The following MCF2L variants were observed in gnomAD, a reference collection of about 807,000 sequenced individuals.
MCF2L encodes the protein guanine nucleotide exchange factor DBS.
MCF2L carries 97 observed loss-of-function variants against 153.4 expected under a neutral mutation model. That is an observed-to-expected ratio of 0.63 (90% CI 0.54 to 0.75). The LOEUF is 0.75. Among genes scored for constraint, MCF2L ranks in the 30% least tolerant of loss-of-function variants. The pLI is 0.00. For synonymous variants in MCF2L, 659 were observed against 632.2 expected (o/e 1.04, Z -0.64); for missense variants, 1,347 against 1,495.2 (o/e 0.90, Z 1.64).
At chr13:112,919,749 A>G (rs2081334583) in intron 2 of MCF2L, among the ~76,000 whole-genome samples, 1 of 152,070 alleles carries the variant, frequency 6.6e-6, no homozygotes, top group Non-Finnish European at 1.5e-5. Flanking sequence ...TTTTAGTTAC[A>G]CTCTTGATAA....
intron 2 of MCF2L, among the ~76,000 whole-genome samples, chr13:112,918,057 G>C (rs2081313677): frequency 6.6e-6 from 1 of 152,222 alleles, no homozygotes; most frequent in African/African-American, 2.4e-5. Context: ...ATAATTATTT[G>C]AGGATTTGTC....
intron 8 of MCF2L, among the ~76,000 whole-genome samples, chr13:113,066,422 C>T (rs74115777): frequency 0.011 from 1,676 of 152,306 alleles, 36 homozygotes; most frequent in African/African-American, 0.038. Context: ...CTAGAGCAAA[C>T]GCCCTTTTGC....
chr13:112,967,218 C>T (rs1288108479), upstream of MCF2L, among the ~76,000 whole-genome samples: 1 of 152,086 alleles, frequency 6.6e-6, no homozygotes, highest in Non-Finnish European at 1.5e-5. Flanking sequence ...GTGAAGGTTC[C>T]CTGAACTGAC....
At position 113,024,734 on chromosome 13, in the gene MCF2L, T is replaced by C. The variant is rs1319298629; in HGVS notation, c.254T>C (p.Met85Thr). 2 of 1,614,024 alleles carry C rather than the reference T, an allele frequency of 1.2e-6. No homozygotes were observed. The highest frequency in any genetic ancestry group is 2.2e-5 in the East Asian group (1 of 44,896). The change falls in exon 3 of 30, where the codon ATG becomes ACG. Residue 85 changes from methionine (M) to threonine (T), a missense_variant. By Grantham distance (81) the Met-to-Thr change is moderately conservative (BLOSUM62 -1). This residue lies in a region of MCF2L where 820 missense variants were observed against 921.2 expected (regional missense o/e 0.89). Transcript: ENST00000535094. ...EIPDKEFQNV[M>T]TYLTSIPSLQ... The stretch of plus-strand genomic sequence containing the variant: ...CCGGACAAGGAGTTCCAGAATGTCA[T>C]GACCTACCTCACCAGCATCCCCAGG...
intron 18 of MCF2L, chr13:113,084,521 A>G: frequency 2.9e-6 from 1 of 342,314 alleles, no homozygotes; most frequent in Non-Finnish European, 5.3e-6. Context: ...GCTAAATAAC[A>G]GGTAATTTGT....
At chr13:113,084,300 C>T (rs2034427275) in intron 18 of MCF2L, among the ~76,000 whole-genome samples, 1 of 151,666 alleles carries the variant, frequency 6.6e-6, no homozygotes, top group African/African-American at 2.4e-5. Context: ...ACCCCCAGAA[C>T]CTCCTGTACC....
chr13:112,913,954 C>T (rs2081262627), intron 2 of MCF2L, among the ~76,000 whole-genome samples: 1 of 152,190 alleles, frequency 6.6e-6, no homozygotes, highest in African/African-American at 2.4e-5. Context: ...CATCAGCCCC[C>T]CAATGCCTGC....
At chr13:113,061,745 TTTCCCCTCCCTTCCCTCTCCCCC>T (rs1566824981) in intron 5 of MCF2L, among the ~76,000 whole-genome samples, 1 of 25,318 alleles carries the variant, frequency 3.9e-5, no homozygotes, top group Non-Finnish European at 7.2e-5. Flanking sequence ...CCCTCTTCCC[TTTCCCCTCCCTTCCCTCTCCCCC>T]TTCCCCTCCC....
In MCF2L at chr13:113,060,689, G is replaced by C; in HGVS notation, c.466G>C (p.Asp156His). Reference protein sequence around the residue: ...LSDIAFKFNRDDFKMKVPVIM... With the variant: ...LSDIAFKFNRHDFKMKVPVIM... Reference sequence around the variant, plus strand: ...CGACATCGCTTTCAAATTCAATAGAGATGACTTTAAGATGAAGGTGCCGGT... The same window carrying C: ...CGACATCGCTTTCAAATTCAATAGACATGACTTTAAGATGAAGGTGCCGGT... Residue 156 changes from aspartate to histidine, a missense_variant, in exon 5 of 30, where the codon GAT (aspartate) becomes CAT (histidine). Asp to His is a moderately conservative substitution (Grantham distance 81). This residue lies in a region of MCF2L where 820 missense variants were observed against 921.2 expected (regional missense o/e 0.89). Coordinates refer to ENST00000535094, the MANE Select transcript of MCF2L (RefSeq NM_001112732.3). 1 of 1,613,496 alleles carries C rather than the reference G, an allele frequency of 6.2e-7. No homozygotes were observed. Among genetic ancestry groups the C allele is most frequent in the Non-Finnish European group, 8.5e-7 (1 of 1,179,962 alleles).
rs148510303 is a variant in MCF2L, at chr13:112,924,970, C to T, written c.169+22599C>T. On this transcript the variant is annotated intron_variant, in intron 2 of 29. Transcript: ENST00000375608. The stretch of plus-strand genomic sequence containing the variant: ...GTAGCTCAAGGCAGCATGTAAATTT[C>T]GTGCTGGAAAAGATGACCTTGGTTA... Among the ~76,000 whole-genome samples, 315 of 152,284 alleles carry T rather than the reference C, an allele frequency of 2.1e-3. 2 individuals carry two copies. Among genetic ancestry groups the T allele is most frequent in the Non-Finnish European group, 3.0e-3 (206 of 68,020 alleles).
chr13:113,009,758 C>G (rs1384291393), intron 1 of MCF2L: 1 of 152,344 alleles, frequency 6.6e-6, no homozygotes, highest in Non-Finnish European at 1.5e-5. Flanking sequence ...CCCTGTTCTT[C>G]CTGGGTTTGG....
chr13:113,050,937 G>A (rs2087265566), intron 4 of MCF2L, among the ~76,000 whole-genome samples: 1 of 152,014 alleles, frequency 6.6e-6, no homozygotes, highest in South Asian at 2.1e-4. Flanking sequence ...GGGAGAGAGG[G>A]CCAGGTCCGT....
intron 2 of MCF2L, among the ~76,000 whole-genome samples, chr13:113,020,991 GTGTA>G (rs1448106187): frequency 6.7e-6 from 1 of 150,132 alleles, no homozygotes; most frequent in Admixed American, 6.6e-5. Context: ...GTGTATGTGT[GTGTA>G]TGTGTAGCTG....
Position 113,045,523 on chromosome 13 carries a change from G to C in MCF2L, c.369+162G>C. On this transcript the variant is annotated intron_variant, in intron 4 of 29. Coordinates refer to ENST00000535094, the MANE Select transcript of MCF2L (RefSeq NM_001112732.3). This position sits in a 1 kb window ranked among gnomAD's most constrained non-coding sequence, Gnocchi z 4.2. ...CCGGCGCCAAGGCCCCCCCTGCTTG[G>C]GCTCCCAAGGCACTGGTGCCTGGGT... 1 of 635,978 alleles carries C rather than the reference G, an allele frequency of 1.6e-6. No homozygotes were observed. Among genetic ancestry groups the C allele is most frequent in the East Asian group, 2.8e-5 (1 of 36,248 alleles). 39.4% of individuals were successfully genotyped at this position (635,978 alleles called of 1,614,324 possible). A position where few individuals can be genotyped will look rare whatever the true frequency, so the allele number is the denominator to read the frequency against.
In MCF2L at chr13:113,096,974, T is replaced by G. The variant is rs2035724534; in HGVS notation, c.*115T>G. ...CCTCACCGCCCCCACCCAGAGCGCC[T>G]GGCCGTGCGGGCTGCAGAGGACCCC... On this transcript the variant is annotated 3_prime_UTR_variant, in exon 30 of 30. Transcript: ENST00000535094. 9 of 681,562 alleles carry G rather than the reference T, an allele frequency of 1.3e-5. No homozygotes were observed. Among genetic ancestry groups the G allele is most frequent in the Non-Finnish European group, 1.7e-5 (8 of 475,454 alleles). The allele number at this position is 681,562 out of a possible 1,614,324, so 42.2% of individuals were successfully genotyped here.
At chr13:112,994,107 C>G (rs1011081010) in intron 1 of MCF2L, among the ~76,000 whole-genome samples, 1 of 152,184 alleles carries the variant, frequency 6.6e-6, no homozygotes, top group Non-Finnish European at 1.5e-5. Flanking sequence ...ACCCCCCAAG[C>G]TGACGTCACT....
chr13:112,971,789 C>T (rs1241683223), intron 1 of MCF2L, among the ~76,000 whole-genome samples: 3 of 152,226 alleles, frequency 2.0e-5, no homozygotes, highest in Non-Finnish European at 2.9e-5. Flanking sequence ...GTGGCAACTT[C>T]CCCCTGGCCC....
At position 112,960,762 on chromosome 13, in the gene MCF2L, G is replaced by A. The variant is rs985792977; in HGVS notation, c.170-54001G>A. Among the ~76,000 whole-genome samples, 3 of 152,248 alleles carry A rather than the reference G, an allele frequency of 2.0e-5. No homozygotes were observed. Among genetic ancestry groups the A allele is most frequent in the Non-Finnish European group, 4.4e-5 (3 of 68,018 alleles). ...CCCTGTCCAGCCCCAGGTGCTGCCT[G>A]CATTCCTGGGCTCATGGCCGCACCA... On this transcript the variant is annotated intron_variant, in intron 2 of 29. Coordinates refer to the MCF2L transcript ENST00000375608. This position sits in a 1 kb window ranked among gnomAD's most constrained non-coding sequence, Gnocchi z 4.2.
intron 2 of MCF2L, among the ~76,000 whole-genome samples, chr13:112,937,957 G>T (rs564022536): frequency 4.3e-4 from 66 of 151,744 alleles, no homozygotes; most frequent in African/African-American, 1.5e-3. Context: ...GGTTTATTCA[G>T]GTGATCTCTG....
Sources: allele counts gnomAD v4.1 joint callset (sites outside exome capture counted in the v4.1 genomes callset), GRCh38; gene constraint gnomAD v4.1.1; regional missense constraint gnomAD v4.1.1; non-coding constraint Gnocchi (gnomAD v3.1); transcripts MANE v1.5; gene names NCBI Gene and HGNC (gene_info 2026-07-23, HGNC 2026-07-21).